Variants in KLHL29 observed in about 807,000 individuals in gnomAD.
The protein encoded by KLHL29 is kelch like family member 29, also known as kelch-like protein 29.
In KLHL29, 21 loss-of-function variants were observed where a neutral mutation model predicts 80.4. That is an observed-to-expected ratio of 0.26 (90% CI 0.19 to 0.38). The LOEUF is 0.38. Ranked by LOEUF, KLHL29 falls within the 10% of genes least tolerant of loss-of-function variation. The pLI is 1.00. For missense variants in KLHL29, 867 were observed against 1,223.9 expected (o/e 0.71, Z 4.35); for synonymous variants, 511 against 526.8 (o/e 0.97, Z 0.41).
Position 23,642,763 on chromosome 2 carries a change from C to T in KLHL29, c.853C>T (p.Pro285Ser). The T allele has an allele frequency of 6.5e-7, 1 of 1,550,386 alleles. No individual in the cohort carries two copies. ...TGGTGCCCCTGCCACCAATGGGCCC[C>T]CCACAACCGACTCGGCCCACGGGCT... ...PSGAPATNGP[P>S]TTDSAHGLQM... The change falls in exon 5 of 14, where the codon CCC becomes TCC. Residue 285 changes from proline to serine, a missense_variant. This residue lies in a region of KLHL29 where 424 missense variants were observed against 456.9 expected (regional missense o/e 0.93). Coordinates refer to ENST00000486442, the MANE Select transcript of KLHL29 (RefSeq NM_052920.2).
chr2:23,662,618 G>C (rs1670442995), intron 5 of KLHL29, among the ~76,000 whole-genome samples: 1 of 152,164 alleles, frequency 6.6e-6, no homozygotes. Flanking sequence ...TACCACCTGA[G>C]GAGAGAGCCC....
At chr2:23,466,254 G>A (rs1339748691) in intron 1 of KLHL29, among the ~76,000 whole-genome samples, 1 of 151,412 alleles carries the variant, frequency 6.6e-6, no homozygotes, top group Non-Finnish European at 1.5e-5. Context: ...TCGTGACAGA[G>A]AGAACCACAT....
intron 2 of KLHL29, among the ~76,000 whole-genome samples, chr2:23,485,936 A>C (rs1362807736): frequency 2.6e-5 from 4 of 152,260 alleles, no homozygotes; most frequent in Non-Finnish European, 5.9e-5. Context: ...ATTCTAAAAG[A>C]CTAGGACCTG....
intron 7 of KLHL29, 146 bp from the exon 8 acceptor site, chr2:23,693,123 G>A: frequency 1.1e-6 from 1 of 945,820 alleles, no homozygotes; most frequent in Non-Finnish European, 1.5e-6. Context: ...AGACACCCAG[G>A]AAGGGGGCCT....
At chr2:23,418,203 C>T (rs1459701867) in intron 1 of KLHL29, among the ~76,000 whole-genome samples, 6 of 152,214 alleles carry the variant, frequency 3.9e-5, no homozygotes, top group Admixed American at 2.6e-4. Flanking sequence ...TCCACCTGCC[C>T]TCCTGCCTGA....
At chr2:23,495,181 C>T (rs1182437211) in intron 2 of KLHL29, among the ~76,000 whole-genome samples, 2 of 152,172 alleles carry the variant, frequency 1.3e-5, no homozygotes, top group Non-Finnish European at 2.9e-5. Flanking sequence ...CATCACTGTA[C>T]CTGGCTGGAA....
chr2:23,439,365 T>G (rs1663443629), intron 1 of KLHL29, among the ~76,000 whole-genome samples: 1 of 152,126 alleles, frequency 6.6e-6, no homozygotes. Flanking sequence ...TTTGAATGCG[T>G]TTGCTCTTGC....
chr2:23,670,486 C>A (rs1182475408), intron 5 of KLHL29, among the ~76,000 whole-genome samples: 3 of 152,028 alleles, frequency 2.0e-5, no homozygotes, highest in African/African-American at 7.3e-5. Context: ...GGATGAGGGG[C>A]TGACTCCCAA....
intron 1 of KLHL29, among the ~76,000 whole-genome samples, chr2:23,389,872 G>A (rs1216408652): frequency 6.6e-6 from 1 of 152,130 alleles, no homozygotes; most frequent in Non-Finnish European, 1.5e-5. Flanking sequence ...TGGGGTCATC[G>A]CCTGATGTGC....
intron 5 of KLHL29, among the ~76,000 whole-genome samples, chr2:23,648,128 A>G (rs985626087): frequency 5.9e-5 from 9 of 151,756 alleles, no homozygotes; most frequent in African/African-American, 1.9e-4. Context: ...CACCTGACCC[A>G]CGCCTCTGGG....
intron 1 of KLHL29, among the ~76,000 whole-genome samples, chr2:23,456,437 T>C (rs539229764): frequency 1.3e-5 from 2 of 152,376 alleles, no homozygotes; most frequent in South Asian, 4.1e-4. Flanking sequence ...TGTTCTAGAA[T>C]CTTCGGAGCA....
chr2:23,671,252 C>T, intron 5 of KLHL29, among the ~76,000 whole-genome samples: 1 of 151,904 alleles, frequency 6.6e-6, no homozygotes, highest in Non-Finnish European at 1.5e-5. Context: ...GAAGTAATGG[C>T]TTTTACTGGA....
At chr2:23,560,501 C>T (rs1667422003) in intron 2 of KLHL29, among the ~76,000 whole-genome samples, 1 of 152,012 alleles carries the variant, frequency 6.6e-6, no homozygotes. Context: ...GATCTCTTGC[C>T]CTTGTGATCC....
At chr2:23,495,073 G>A (rs186304835) in intron 2 of KLHL29, among the ~76,000 whole-genome samples, 15 of 152,106 alleles carry the variant, frequency 9.9e-5, no homozygotes, top group East Asian at 9.7e-4. Flanking sequence ...TTTTGGAGAC[G>A]GAGTCTTGAA....
intron 5 of KLHL29, 71 bp downstream of exon 5, chr2:23,642,921 A>T: frequency 6.6e-7 from 1 of 1,508,554 alleles, no homozygotes; most frequent in Non-Finnish European, 9.0e-7. Context: ...CTGCAACACC[A>T]CCGGGACAGG....
intron 1 of KLHL29, among the ~76,000 whole-genome samples, chr2:23,426,259 A>G (rs915513740): frequency 6.6e-6 from 1 of 152,272 alleles, no homozygotes; most frequent in African/African-American, 2.4e-5. Flanking sequence ...AGGAACATTT[A>G]TTTGTATCTG....
chr2:23,641,396 A>G (rs763691925), intron 4 of KLHL29, among the ~76,000 whole-genome samples: 3 of 151,708 alleles, frequency 2.0e-5, no homozygotes, highest in Non-Finnish European at 2.9e-5. Context: ...TACGTCCCCC[A>G]CCAGGGTCCC....
chr2:23,414,229 C>T (rs573693496), intron 1 of KLHL29, among the ~76,000 whole-genome samples: 3 of 152,250 alleles, frequency 2.0e-5, no homozygotes, highest in African/African-American at 4.8e-5. Context: ...AAGTGGATCT[C>T]AAATGAATGT....
intron 2 of KLHL29, among the ~76,000 whole-genome samples, chr2:23,510,577 G>C (rs1208148455): frequency 2.6e-5 from 4 of 152,172 alleles, no homozygotes; most frequent in African/African-American, 9.7e-5. Context: ...AGGGTCCCCC[G>C]ATTGTCACCA....
Sources: allele counts gnomAD v4.1 joint callset (sites outside exome capture counted in the v4.1 genomes callset), GRCh38; gene constraint gnomAD v4.1.1; regional missense constraint gnomAD v4.1.1; transcripts MANE v1.5; gene names NCBI Gene and HGNC (gene_info 2026-07-23, HGNC 2026-07-21).